RASAL2: variants seen among roughly 807,000 people sequenced by gnomAD.
RASAL2 encodes the protein RAS protein activator like 2, also known as ras GTPase-activating protein nGAP.
In RASAL2, 58 loss-of-function variants were observed where a neutral mutation model predicts 128.9. That is an observed-to-expected ratio of 0.45 (90% CI 0.36 to 0.56). The LOEUF is 0.56. Among genes scored for constraint, RASAL2 ranks in the 20% least tolerant of loss-of-function variants. The pLI, the probability that RASAL2 is intolerant of heterozygous loss-of-function variation, is 0.00. For synonymous variants in RASAL2, 561 were observed against 580.8 expected (o/e 0.97, Z 0.49); for missense variants, 1,360 against 1,601.6 (o/e 0.85, Z 2.57).
chr1:178,371,853 AACCT>A (rs1292494868), intron 3 of RASAL2, among the ~76,000 whole-genome samples: 1 of 152,034 alleles, frequency 6.6e-6, no homozygotes, highest in Non-Finnish European at 1.5e-5. Flanking sequence ...CCAGTGTAGG[AACCT>A]GTTTCTTTTT....
intron 2 of RASAL2, among the ~76,000 whole-genome samples, chr1:178,294,114 G>A (rs1667392347): frequency 6.6e-6 from 1 of 152,236 alleles, no homozygotes; most frequent in Non-Finnish European, 1.5e-5. Context: ...ACAGTGGCTG[G>A]ATTGTGGAAA....
chr1:178,223,118 CTCTT>C (rs1318542023), intron 1 of RASAL2, among the ~76,000 whole-genome samples: 3 of 152,094 alleles, frequency 2.0e-5, no homozygotes, highest in Non-Finnish European at 4.4e-5. Context: ...TTAGATCTCT[CTCTT>C]TTTATTAATT....
chr1:178,381,844 AC>A (rs1672303541), intron 3 of RASAL2, among the ~76,000 whole-genome samples: 1 of 152,182 alleles, frequency 6.6e-6, no homozygotes, highest in African/African-American at 2.4e-5. Context: ...TAAATCAGTT[AC>A]AGAAAAGGTT....
intron 3 of RASAL2, among the ~76,000 whole-genome samples, chr1:178,366,165 G>GCATA (rs1267055038): frequency 2.6e-5 from 4 of 152,012 alleles, no homozygotes; most frequent in Non-Finnish European, 5.9e-5. Context: ...CTGGTAAAGG[G>GCATA]CATAATGTCT....
At chr1:178,133,012 G>A (rs1406382507) in intron 1 of RASAL2, among the ~76,000 whole-genome samples, 2 of 152,184 alleles carry the variant, frequency 1.3e-5, no homozygotes, top group Non-Finnish European at 2.9e-5. Context: ...TGATCCACCC[G>A]CCTCGGCCTC....
intron 5 of RASAL2, among the ~76,000 whole-genome samples, chr1:178,421,254 A>G (rs544553531): frequency 6.6e-5 from 10 of 152,170 alleles, no homozygotes; most frequent in Admixed American, 4.6e-4. Flanking sequence ...CTGAAAAGGA[A>G]GCCTGGGTGG....
At chr1:178,216,356 T>C (rs1448390751) in intron 1 of RASAL2, among the ~76,000 whole-genome samples, 1 of 152,226 alleles carries the variant, frequency 6.6e-6, no homozygotes, top group Non-Finnish European at 1.5e-5. Context: ...TTTGTGACAT[T>C]TTATGTTCTA....
chr1:178,167,476 G>A (rs1453125883), intron 1 of RASAL2, among the ~76,000 whole-genome samples: 3 of 151,958 alleles, frequency 2.0e-5, no homozygotes, highest in Non-Finnish European at 4.4e-5. Context: ...TAAGAGATTG[G>A]CATTAATTTG....
At chr1:178,435,635 C>G (rs763990512) in intron 5 of RASAL2, among the ~76,000 whole-genome samples, 10 of 152,062 alleles carry the variant, frequency 6.6e-5, no homozygotes, top group Non-Finnish European at 1.5e-4. Flanking sequence ...TGCTAGAGGT[C>G]TTGAAGTTTA....
At position 178,094,510 on chromosome 1, in the gene RASAL2, G is replaced by T; in HGVS notation, c.18G>T (p.Ser6=). Residue 6 remains serine (S), a synonymous_variant, in exon 1 of 18, where the codon TCG becomes TCT. Transcript: ENST00000367649. ...GGGGCACCATGGAGCTCTCTCCGTC[G>T]TCCGGAGGAGCCGCGGAGGCGCTGT... MELSP[S]SGGAAEALSW... is the part of the protein sequence containing the mutation. 6.4e-7 allele frequency: 1 copy of T among 1,561,046 alleles called. No homozygotes were observed. The highest frequency in any genetic ancestry group is 8.7e-7 in the Non-Finnish European group (1 of 1,154,020).
chr1:178,454,307 T>A, intron 11 of RASAL2, 140 bp from the exon 12 acceptor site: 1 of 624,204 alleles, frequency 1.6e-6, no homozygotes, highest in South Asian at 2.1e-5. Context: ...GTTATAACAT[T>A]TATCACTTAT....
At chr1:178,265,946 A>G (rs1012744743) in intron 1 of RASAL2, among the ~76,000 whole-genome samples, 2 of 152,120 alleles carry the variant, frequency 1.3e-5, no homozygotes, top group African/African-American at 4.8e-5. Flanking sequence ...TAGTTCTTTC[A>G]TTCTCCCTGG....
intron 1 of RASAL2, chr1:178,194,397 T>G (rs1465450478): frequency 4.5e-6 from 1 of 222,652 alleles, no homozygotes; most frequent in Non-Finnish European, 9.9e-6. Context: ...GGGCATCTCT[T>G]AGCATGGATA....
chr1:178,370,472 C>CTCAATTT (rs1414546800), intron 3 of RASAL2, among the ~76,000 whole-genome samples: 1 of 152,160 alleles, frequency 6.6e-6, no homozygotes, highest in African/African-American at 2.4e-5. Context: ...TGTACTACTT[C>CTCAATTT]TCAATTTTTT....
chr1:178,118,593 G>T lies in RASAL2; in HGVS notation c.202+23899G>T, dbSNP rs115691881. On this transcript the variant is annotated intron_variant, in intron 1 of 17. Transcript: ENST00000367649. Reference sequence around the variant, plus strand: ...TTTGGGGATCTTTTGTGGTTGGGAAGTAATACTTCAACTCTTTTGAAAGCT... The same window carrying T: ...TTTGGGGATCTTTTGTGGTTGGGAATTAATACTTCAACTCTTTTGAAAGCT... Among the ~76,000 whole-genome samples, 165 of 152,338 alleles carry T rather than the reference G, an allele frequency of 1.1e-3. 1 individual carries two copies. Among genetic ancestry groups the T allele is most frequent in the African/African-American group, 3.7e-3 (154 of 41,578 alleles).
chr1:178,443,089 C>T lies in RASAL2; in HGVS notation c.1342C>T (p.Gln448Ter), dbSNP rs1676782879. ...AACTATCACCATTCTGCCTATGGAGCAATACAAAGAATTTGCAGAATTTGT... is the reference window on the plus strand; with the variant it reads ...AACTATCACCATTCTGCCTATGGAGTAATACAAAGAATTTGCAGAATTTGT... Reference protein sequence around the residue: ...FQTITILPMEQYKEFAEFVTS... With the variant: ...FQTITILPME Residue 448 changes from glutamine to a stop codon, truncating the protein, a stop_gained, in exon 8 of 18, where the codon CAA (glutamine) becomes TAA (stop). Coordinates refer to ENST00000367649, the MANE Select transcript of RASAL2 (RefSeq NM_170692.4). LOFTEE classifies it high-confidence loss of function. 6.2e-7 allele frequency: 1 copy of T among 1,613,822 alleles called. No individual in the cohort carries two copies. Among genetic ancestry groups the T allele is most frequent in the Non-Finnish European group, 8.5e-7 (1 of 1,179,950 alleles).
Position 178,411,793 on chromosome 1 carries a change from C to T in RASAL2, c.565-8718C>T. On this transcript the variant is annotated intron_variant, in intron 4 of 17. Transcript: ENST00000367649. Reference sequence around the variant, plus strand: ...GCCATGTGCTGCTTTTTTGGCTGCCCAGGATGTGGCCCAGAGGTGCAAGGA... The same window carrying T: ...GCCATGTGCTGCTTTTTTGGCTGCCTAGGATGTGGCCCAGAGGTGCAAGGA... The T allele has an allele frequency of 1.5e-5, 12 of 776,432 alleles. No homozygotes were observed. The South Asian group carries it at 1.6e-4, about 10-fold the overall frequency. 48.1% of individuals were successfully genotyped at this position (776,432 alleles called of 1,614,324 possible).
intron 1 of RASAL2, among the ~76,000 whole-genome samples, chr1:178,195,239 G>C (rs1193565605): frequency 1.3e-5 from 2 of 152,168 alleles, no homozygotes; most frequent in East Asian, 3.8e-4. Context: ...TTATATTCTA[G>C]CATACAATCT....
chr1:178,181,338 A>T (rs2101929508), intron 1 of RASAL2, among the ~76,000 whole-genome samples: 1 of 152,090 alleles, frequency 6.6e-6, no homozygotes, highest in South Asian at 2.1e-4. Context: ...TTATTATTAA[A>T]TAAATTTCCT....
Sources: allele counts gnomAD v4.1 joint callset (sites outside exome capture counted in the v4.1 genomes callset), GRCh38; gene constraint gnomAD v4.1.1; transcripts MANE v1.5; gene names NCBI Gene and HGNC (gene_info 2026-07-23, HGNC 2026-07-21).